ADAMTSL2: variants seen among roughly 807,000 people sequenced by gnomAD.
ADAMTSL2 encodes the protein ADAMTS like 2, also known as ADAMTS-like protein 2.
A neutral mutation model predicts 117.0 loss-of-function variants in ADAMTSL2; 55 were observed. The observed-to-expected ratio is 0.47, with a 90% CI of 0.38 to 0.59. ADAMTSL2 has a LOEUF of 0.59. ADAMTSL2 is among the 20% of genes least tolerant of loss of function. ADAMTSL2 has a pLI of 0.00. For missense variants in ADAMTSL2, 1,182 were observed against 1,354.5 expected (o/e 0.87, Z 2.00); for synonymous variants, 572 against 566.4 (o/e 1.01, Z -0.14).
chr9:133,539,653 A>ATGGCTGTCC (rs148654239), intron 4 of ADAMTSL2, 118 bp from the exon 5 acceptor site: 46 of 687,782 alleles, frequency 6.7e-5, no homozygotes, highest in South Asian at 3.9e-4. Context: ...TGGCCCCCGC[A>ATGGCTGTCC]CGGCTGTCCC....
chr9:133,534,465 T>G, upstream of ADAMTSL2: 1 of 349,684 alleles, frequency 2.9e-6, no homozygotes, highest in East Asian at 4.5e-5. Context: ...ACACCCGACA[T>G]GTGGCCCCCA....
Position 133,554,889 on chromosome 9 carries a change from G to A in ADAMTSL2, c.1276+196G>A, listed in dbSNP as rs979853777. On this transcript the variant is annotated intron_variant, in intron 10 of 18. Transcript: ENST00000651351. The surrounding 1 kb of genome is among the most constrained non-coding windows in gnomAD (Gnocchi z 5.2). ...GTCCTTCTGTCCATGCATTCTTTGA[G>A]GTAGATGTGGTTATCCCCATTTGAT... 2.0e-5 allele frequency among the ~76,000 whole-genome samples: 3 copies of A among 152,226 alleles called. No individual in the cohort carries two copies. The highest frequency in any genetic ancestry group is 4.8e-5 in the African/African-American group (2 of 41,468).
intron 12 of ADAMTSL2, among the ~76,000 whole-genome samples, chr9:133,562,664 G>C (rs1347007525): frequency 7.0e-6 from 1 of 142,786 alleles, no homozygotes; most frequent in African/African-American, 2.5e-5. Flanking sequence ...GGCGGGCACC[G>C]GCTTGGCCAG....
rs1240374548 is a variant in ADAMTSL2 at position 133,569,581 on chromosome 9, G to A, written c.2415+3G>A. ...GGCTGGCCCAGGACTGGGAGCGGGTGAGTGCCCCAGAGCCCGCGGAAGGGC... is the reference window on the plus strand; with the variant it reads ...GGCTGGCCCAGGACTGGGAGCGGGTAAGTGCCCCAGAGCCCGCGGAAGGGC... On this transcript the variant is annotated splice_donor_region_variant and intron_variant, in intron 16 of 18. Transcript: ENST00000651351. 6.4e-7 allele frequency: 1 copy of A among 1,563,236 alleles called. No homozygotes were observed. Among genetic ancestry groups the A allele is most frequent in the African/African-American group, 1.4e-5 (1 of 73,884 alleles).
At position 133,554,410 on chromosome 9, in the gene ADAMTSL2, G is replaced by T. The variant is rs1830555504; in HGVS notation, c.993G>T (p.Leu331=). 1.3e-6 allele frequency: 2 copies of T among 1,561,804 alleles called. No homozygotes were observed. Among genetic ancestry groups the T allele is most frequent in the South Asian group, 2.3e-5 (2 of 85,570 alleles). Residue 331 remains leucine (L), a synonymous_variant, in exon 10 of 19, where the codon CTG becomes CTT. Coordinates refer to ENST00000651351, the MANE Select transcript of ADAMTSL2 (RefSeq NM_014694.4). The surrounding 1 kb of genome is among the most constrained non-coding windows in gnomAD (Gnocchi z 5.2). ...SPSITFEYTL[L]QPPHESRPQP... The stretch of plus-strand genomic sequence containing the variant: ...CCATCACCTTCGAGTACACGCTGCT[G>T]CAGCCGCCACACGAGAGCCGCCCCC...
Position 133,570,364 on chromosome 9 carries a change from C to T in ADAMTSL2, c.2449C>T (p.Arg817Trp). The part of the protein sequence containing the change: ...NTTCGRGVKK[R>W]LVLCMELANG... ...CACCTGCGGGCGCGGGGTCAAGAAGCGGCTGGTGCTCTGCATGGAGCTGGC... is the reference window on the plus strand; with the variant it reads ...CACCTGCGGGCGCGGGGTCAAGAAGTGGCTGGTGCTCTGCATGGAGCTGGC... The change falls in exon 17 of 19, where the codon CGG becomes TGG. Residue 817 changes from arginine (R) to tryptophan (W), a missense_variant. Arg to Trp is a moderately radical substitution (Grantham distance 101, BLOSUM62 -3). Around this residue, in one of 3 missense-constraint regions of ADAMTSL2, gnomAD observed 465 missense variants for 565.3 expected, o/e 0.82. Transcript: ENST00000651351. 2 of 1,552,782 alleles carry T rather than the reference C, an allele frequency of 1.3e-6. No individual in the cohort carries two copies. Among genetic ancestry groups the T allele is most frequent in the African/African-American group, 1.4e-5 (1 of 73,278 alleles).
intron 15 of ADAMTSL2, 108 bp from the exon 16 acceptor site, chr9:133,569,300 T>C (rs997355295): frequency 1.4e-4 from 164 of 1,180,016 alleles, no homozygotes; most frequent in Non-Finnish European, 1.9e-4. Context: ...TGGCAACCGC[T>C]TCGACACTGC....
At chr9:133,538,735 C>T (rs116470870) in intron 4 of ADAMTSL2, among the ~76,000 whole-genome samples, 1 of 152,192 alleles carries the variant, frequency 6.6e-6, no homozygotes, top group Non-Finnish European at 1.5e-5. Context: ...CCACTTTACT[C>T]ACAACATTCG....
chr9:133,574,825 C>T lies in ADAMTSL2; in HGVS notation c.2817C>T (p.Ser939=). Residue 939 remains serine (S), a synonymous_variant, in exon 19 of 19, where the codon AGC becomes AGT. Coordinates refer to ENST00000651351, the MANE Select transcript of ADAMTSL2 (RefSeq NM_014694.4). ...ACCTCTGCGGGCACTGGTACTACAG[C>T]AAGGCGTGCTGCCGCTCCTGCAGGC... ...KVNLCGHWYY[S]KACCRSCRPP... is the part of the protein sequence containing the mutation. 3.7e-6 allele frequency: 6 copies of T among 1,613,594 alleles called. No individual in the cohort carries two copies. The highest frequency in any genetic ancestry group is 5.1e-6 in the Non-Finnish European group (6 of 1,179,978).
intron 13 of ADAMTSL2, among the ~76,000 whole-genome samples, chr9:133,567,938 G>A (rs1381587840): frequency 1.3e-5 from 2 of 152,216 alleles, no homozygotes; most frequent in African/African-American, 4.8e-5. Context: ...ATCCAGAAAT[G>A]TGCCTTCTGC....
intron 1 of ADAMTSL2, among the ~76,000 whole-genome samples, chr9:133,535,838 G>T (rs1830037664): frequency 1.3e-5 from 2 of 152,178 alleles, no homozygotes; most frequent in South Asian, 2.1e-4. Context: ...ACAGGGCAGG[G>T]TCGACGCTGA....
At chr9:133,534,692 C>T (rs1830005846), upstream of ADAMTSL2, 16 of 1,355,004 alleles carry the variant, frequency 1.2e-5, no homozygotes, top group South Asian at 1.8e-5. Flanking sequence ...CGGCCGCCGG[C>T]GCAGAGCCGC....
At chr9:133,542,779 G>A (rs3793626) in intron 7 of ADAMTSL2, among the ~76,000 whole-genome samples, 23,251 of 152,136 alleles carry the variant, frequency 0.15, 2,224 homozygotes, top group Non-Finnish European at 0.21. Flanking sequence ...CTCTTTCCCC[G>A]GACGAACTGT....
intron 9 of ADAMTSL2, among the ~76,000 whole-genome samples, chr9:133,552,270 C>T (rs1240172022): frequency 2.0e-5 from 3 of 152,128 alleles, no homozygotes; most frequent in East Asian, 1.9e-4. Flanking sequence ...ATGTCTGGTA[C>T]GCCCTAGCCC....
At chr9:133,552,905 A>G (rs1830519231) in intron 9 of ADAMTSL2, among the ~76,000 whole-genome samples, 1 of 152,176 alleles carries the variant, frequency 6.6e-6, no homozygotes, top group Non-Finnish European at 1.5e-5. Context: ...CGTTCTTACC[A>G]AGGCGCTAAC....
intron 12 of ADAMTSL2, among the ~76,000 whole-genome samples, chr9:133,565,314 C>A (rs1830940749): frequency 6.6e-6 from 1 of 152,164 alleles, no homozygotes; most frequent in Non-Finnish European, 1.5e-5. Context: ...GGAGTCTGGT[C>A]ACGGTCACGT....
In ADAMTSL2 at chr9:133,555,720, G is replaced by A; in HGVS notation, c.1439G>A (p.Ser480Asn). Residue 480 changes from serine (S) to asparagine (N), a missense_variant, in exon 11 of 19, where the codon AGC (serine) becomes AAC (asparagine). Ser to Asn is a conservative substitution (Grantham distance 46, BLOSUM62 1). Transcript: ENST00000651351. ...KDFTLNETVNSIFAQGAPRSS... is the reference protein window; with the variant it reads ...KDFTLNETVNNIFAQGAPRSS... ...TTCACCCTCAATGAGACTGTGAACA[G>A]CATCTTTGCACAGGGCGCCCCAAGG... 6.2e-7 allele frequency: 1 copy of A among 1,614,044 alleles called. No individual in the cohort carries two copies.
At position 133,557,704 on chromosome 9, in the gene ADAMTSL2, CG is replaced by C. The variant is rs1453992492; in HGVS notation, c.1649+1776del. Among the ~76,000 whole-genome samples the C allele has an allele frequency of 6.6e-6, 1 of 152,176 alleles. No individual in the cohort carries two copies. The highest frequency in any genetic ancestry group is 1.5e-5 in the Non-Finnish European group (1 of 68,030). On this transcript the variant is annotated intron_variant, in intron 11 of 18. Transcript: ENST00000651351. The surrounding 1 kb of genome is among the most constrained non-coding windows in gnomAD (Gnocchi z 5.2). The stretch of plus-strand genomic sequence containing the variant: ...CCTGGTATTCCGTGTGTGAGGCCCA[CG>C]GTAAGGCCTCCAGTAAGTAGAAGCT...
chr9:133,560,855 T>G (rs1402776200), intron 11 of ADAMTSL2, among the ~76,000 whole-genome samples: 1 of 152,134 alleles, frequency 6.6e-6, no homozygotes, highest in Admixed American at 6.5e-5. Context: ...AAGGTAATAT[T>G]GAGAAGCCTG....
Sources: gnomAD v4.1 joint callset for allele counts (sites outside exome capture counted in the v4.1 genomes callset) on GRCh38, gnomAD v4.1.1 for gene constraint, gnomAD v4.1.1 regional missense constraint, Gnocchi (gnomAD v3.1) non-coding constraint, MANE v1.5 for transcripts, NCBI Gene and HGNC (gene_info 2026-07-23, HGNC 2026-07-21) for gene names.